OPCML: variants seen among roughly 807,000 people sequenced by gnomAD.
OPCML encodes opioid-binding protein/cell adhesion molecule.
In OPCML, 13 loss-of-function variants were observed where a neutral mutation model predicts 37.8. The observed-to-expected ratio is 0.34, with a 90% CI of 0.22 to 0.55. The LOEUF is 0.55. OPCML is among the 20% of genes least tolerant of loss of function. OPCML has a pLI of 0.91. For missense variants in OPCML, 341 were observed against 435.6 expected (o/e 0.78, Z 1.93); for synonymous variants, 176 against 168.8 (o/e 1.04, Z -0.33).
intron 4 of OPCML, among the ~76,000 whole-genome samples, chr11:132,483,987 C>T (rs1055779559): frequency 2.6e-5 from 4 of 152,214 alleles, no homozygotes; most frequent in Middle Eastern, 3.4e-3. Flanking sequence ...TAGGCTTTAC[C>T]GTTCAGGACA....
rs866846258 is a variant in OPCML, at chr11:132,523,534, C to T, written c.505+5527G>A. On this transcript the variant is annotated intron_variant, in intron 4 of 7. Coordinates refer to ENST00000524381, the MANE Select transcript of OPCML (RefSeq NM_001012393.5). ...AATTAGAAGCAGATCAGAAGAAATG[C>T]GGCTGCTAAAAGACAGGTGCACTGA... Among the ~76,000 whole-genome samples, 30 of 145,740 alleles carry T rather than the reference C, an allele frequency of 2.1e-4. No homozygotes were observed. The Middle Eastern group carries it at 0.011, about 52-fold the overall frequency.
In OPCML at chr11:133,208,540, TTCCAA is replaced by T. The variant is rs1939212990; in HGVS notation, c.62-265535_62-265531del. ...TGTCAGTAGGGCATCGTAAATATAA[TTCCAA>T]TGCTGGCTATCCACATATGTGTATT... On this transcript the variant is annotated intron_variant, in intron 1 of 7. Coordinates refer to ENST00000524381, the MANE Select transcript of OPCML (RefSeq NM_001012393.5). The surrounding 1 kb of genome is among the most constrained non-coding windows in gnomAD (Gnocchi z 8.9). Among the ~76,000 whole-genome samples, 1 of 152,208 alleles carries T rather than the reference TTCCAA, an allele frequency of 6.6e-6. No individual in the cohort carries two copies. Among genetic ancestry groups the T allele is most frequent in the Admixed American group, 6.5e-5 (1 of 15,280 alleles).
At chr11:132,745,462 T>C (rs1945940) in intron 2 of OPCML, among the ~76,000 whole-genome samples, 2 of 151,402 alleles carry the variant, frequency 1.3e-5, no homozygotes, top group African/African-American at 4.9e-5. Context: ...TTTTGAAAAA[T>C]TGCATTAGCT....
In OPCML at chr11:132,943,151, C is replaced by T; in HGVS notation, c.62-141G>A. On this transcript the variant is annotated intron_variant, in intron 1 of 7. Coordinates refer to ENST00000524381, the MANE Select transcript of OPCML (RefSeq NM_001012393.5). This position sits in a 1 kb window ranked among gnomAD's most constrained non-coding sequence, Gnocchi z 4.3. ...GCCGCACAGTCCTGGTCCCCCGCCC[C>T]GCGCACCAGCGGGCTCGGGAAGCGG... 1.2e-6 allele frequency: 2 copies of T among 1,602,690 alleles called. No homozygotes were observed. The highest frequency in any genetic ancestry group is 1.7e-6 in the Non-Finnish European group (2 of 1,171,300).
intron 2 of OPCML, among the ~76,000 whole-genome samples, chr11:132,940,031 A>C (rs1317636339): frequency 6.6e-6 from 1 of 152,214 alleles, no homozygotes; most frequent in Non-Finnish European, 1.5e-5. Flanking sequence ...TAACCCTATG[A>C]AGTAGTTATG....
chr11:132,735,751 G>C (rs974326449), intron 2 of OPCML, among the ~76,000 whole-genome samples: 1 of 152,108 alleles, frequency 6.6e-6, no homozygotes, highest in Non-Finnish European at 1.5e-5. Flanking sequence ...CCAAAGTGCT[G>C]GGATTACAGG....
intron 1 of OPCML, among the ~76,000 whole-genome samples, chr11:133,196,098 C>A (rs540088165): frequency 5.3e-5 from 8 of 152,212 alleles, no homozygotes; most frequent in African/African-American, 9.6e-5. Context: ...TGTGTCTTAG[C>A]AAATTGAAGA....
At chr11:132,452,388 G>T (rs1234115974) in intron 4 of OPCML, among the ~76,000 whole-genome samples, 1 of 152,054 alleles carries the variant, frequency 6.6e-6, no homozygotes, top group South Asian at 2.1e-4. Context: ...CATTTCCCAC[G>T]ATCTCCAAGG....
chr11:133,442,791 A>C (rs1021805908), intron 1 of OPCML, among the ~76,000 whole-genome samples: 7 of 151,084 alleles, frequency 4.6e-5, no homozygotes, highest in African/African-American at 1.7e-4. Flanking sequence ...GAAGGTAAGA[A>C]GAAAGAAGAA....
chr11:133,342,562 G>A (rs1033194154), intron 1 of OPCML, among the ~76,000 whole-genome samples: 1 of 152,332 alleles, frequency 6.6e-6, no homozygotes, highest in South Asian at 2.1e-4. Context: ...AAGGCGGGCT[G>A]CAAGTCATCC....
Position 133,243,996 on chromosome 11 carries a change from C to A in OPCML, c.61+288268G>T, listed in dbSNP as rs990632157. On this transcript the variant is annotated intron_variant, in intron 1 of 7. Transcript: ENST00000524381. The stretch of plus-strand genomic sequence containing the variant: ...GGGAGAGGGGTGGACATGCATCCAG[C>A]CCCAGTCCTTCCTGCCTGCCTTTCA... Among the ~76,000 whole-genome samples, 57 of 152,240 alleles carry A rather than the reference C, an allele frequency of 3.7e-4. 1 individual carries two copies. Among genetic ancestry groups the A allele is most frequent in the Admixed American group, 1.8e-3 (28 of 15,290 alleles).
intron 1 of OPCML, among the ~76,000 whole-genome samples, chr11:133,480,051 C>T (rs989526529): frequency 6.6e-6 from 1 of 152,218 alleles, no homozygotes; most frequent in African/African-American, 2.4e-5. Context: ...CACACTCATT[C>T]TGTGGACCCC....
chr11:132,836,036 T>C (rs1940983270), intron 2 of OPCML, among the ~76,000 whole-genome samples: 1 of 152,188 alleles, frequency 6.6e-6, no homozygotes, highest in South Asian at 2.1e-4. Context: ...AGCATGCCCA[T>C]CCATGTGCTG....
intron 4 of OPCML, among the ~76,000 whole-genome samples, chr11:132,458,749 T>C (rs564074934): frequency 1.3e-5 from 2 of 152,300 alleles, no homozygotes; most frequent in African/African-American, 4.8e-5. Flanking sequence ...AAAGACAGTT[T>C]TGACATTTTG....
At chr11:133,249,878 C>T (rs747815336) in intron 1 of OPCML, among the ~76,000 whole-genome samples, 7 of 151,958 alleles carry the variant, frequency 4.6e-5, no homozygotes, top group Non-Finnish European at 8.8e-5. Flanking sequence ...GTCAGAAGCA[C>T]GATGAAAAAA....
At chr11:133,517,653 C>T (rs1302977525) in intron 1 of OPCML, among the ~76,000 whole-genome samples, 2 of 152,214 alleles carry the variant, frequency 1.3e-5, no homozygotes, top group South Asian at 2.1e-4. Flanking sequence ...TAATTGGAGC[C>T]AGGCTGACTC....
chr11:132,548,751 A>C (rs1254181986), intron 3 of OPCML, among the ~76,000 whole-genome samples: 2 of 152,178 alleles, frequency 1.3e-5, no homozygotes, highest in East Asian at 3.9e-4. Context: ...GCCTGTAACC[A>C]ACTCTCATGG....
At chr11:132,867,782 C>G (rs2136382390) in intron 2 of OPCML, among the ~76,000 whole-genome samples, 1 of 152,266 alleles carries the variant, frequency 6.6e-6, no homozygotes, top group Admixed American at 6.5e-5. Flanking sequence ...CTTGTAACAC[C>G]TAACCTATGT....
At chr11:132,957,919 A>C (rs2136712344) in intron 1 of OPCML, among the ~76,000 whole-genome samples, 1 of 152,264 alleles carries the variant, frequency 6.6e-6, no homozygotes, top group Admixed American at 6.5e-5. Context: ...ACACAAAAAT[A>C]TTTAAATTAG....
Sources: gnomAD v4.1 joint callset for allele counts (sites outside exome capture counted in the v4.1 genomes callset) on GRCh38, gnomAD v4.1.1 for gene constraint, Gnocchi (gnomAD v3.1) non-coding constraint, MANE v1.5 for transcripts, NCBI Gene and HGNC (gene_info 2026-07-23, HGNC 2026-07-21) for gene names.